The following TENM3 variants were observed in gnomAD, a reference collection of about 807,000 sequenced individuals.
TENM3 encodes the protein teneurin-3.
TENM3 carries 63 observed loss-of-function variants against 255.1 expected under a neutral mutation model. That is an observed-to-expected ratio of 0.25 (90% CI 0.20 to 0.30). The LOEUF is 0.30. TENM3 is among the 10% of genes least tolerant of loss of function. The pLI is 1.00. For missense variants in TENM3, 2,929 were observed against 3,461.1 expected (o/e 0.85, Z 3.86); for synonymous variants, 1,306 against 1,322.3 (o/e 0.99, Z 0.27).
At chr4:182,647,463 A>G (rs1752854059) in intron 5 of TENM3, among the ~76,000 whole-genome samples, 2 of 152,226 alleles carry the variant, frequency 1.3e-5, no homozygotes, top group African/African-American at 2.4e-5. Context: ...ATGCAAGTGG[A>G]ATTATACGGT....
At chr4:182,077,865 C>A in the TENM3 span, among the ~76,000 whole-genome samples, 14,119 of 152,130 alleles carry the variant, frequency 0.093, 1,225 homozygotes, top group African/African-American at 0.22. Flanking sequence ...CTTGCAGTGG[C>A]CCGTCCCACT....
intron 6 of TENM3, among the ~76,000 whole-genome samples, chr4:182,655,998 T>C (rs1478155027): frequency 6.6e-6 from 1 of 152,224 alleles, no homozygotes; most frequent in Non-Finnish European, 1.5e-5. Context: ...AATATTGTGC[T>C]CTGTAATTTC....
At chr4:182,330,938 A>C (rs1763709332) in intron 2 of TENM3, among the ~76,000 whole-genome samples, 1 of 152,238 alleles carries the variant, frequency 6.6e-6, no homozygotes, top group African/African-American at 2.4e-5. Flanking sequence ...TCTCATCTGA[A>C]GAGGGAGAGT....
At chr4:182,577,701 T>C (rs1295657116) in intron 3 of TENM3, among the ~76,000 whole-genome samples, 2 of 152,162 alleles carry the variant, frequency 1.3e-5, no homozygotes, top group African/African-American at 4.8e-5. Context: ...AAAATAAATT[T>C]GGGGAATCTA....
intron 1 of TENM3, among the ~76,000 whole-genome samples, chr4:182,215,081 C>G (rs1055420869): frequency 5.3e-5 from 8 of 152,148 alleles, no homozygotes; most frequent in Non-Finnish European, 1.5e-5. Flanking sequence ...AAGAACACAT[C>G]AGAAACTTTT....
At chr4:182,255,576 G>A (rs1173245399) in intron 1 of TENM3, among the ~76,000 whole-genome samples, 1 of 152,226 alleles carries the variant, frequency 6.6e-6, no homozygotes, top group Admixed American at 6.5e-5. Context: ...ATGGCCAGCA[G>A]TCCAGCTAGA....
chr4:182,674,250 T>C (rs574547100), intron 7 of TENM3, among the ~76,000 whole-genome samples: 3 of 152,290 alleles, frequency 2.0e-5, no homozygotes, highest in African/African-American at 4.8e-5. Flanking sequence ...GAAATATTTT[T>C]TCTATAACCT....
chr4:182,433,623 T>C (rs184189976), intron 3 of TENM3, among the ~76,000 whole-genome samples: 50 of 152,274 alleles, frequency 3.3e-4, no homozygotes, highest in Middle Eastern at 6.8e-3. Flanking sequence ...TCGAGTGGTC[T>C]CCTGAAATAA....
At chr4:182,012,777 A>T in the TENM3 span, 1 of 152,188 alleles carries the variant, frequency 6.6e-6, no homozygotes, top group Non-Finnish European at 1.5e-5. Context: ...AGGATCATGA[A>T]ATTTGGAGGA....
At chr4:182,404,097 T>A (rs1239951658) in intron 3 of TENM3, among the ~76,000 whole-genome samples, 1 of 152,236 alleles carries the variant, frequency 6.6e-6, no homozygotes, top group Non-Finnish European at 1.5e-5. Context: ...CTAATTCCTT[T>A]TTTCAATCAC....
chr4:182,379,860 A>G (rs1218624742), intron 3 of TENM3, among the ~76,000 whole-genome samples: 1 of 152,182 alleles, frequency 6.6e-6, no homozygotes, highest in African/African-American at 2.4e-5. Context: ...GAGAGAATCT[A>G]CTTCACAGGG....
At chr4:181,822,170 C>A in the TENM3 span, among the ~76,000 whole-genome samples, 2 of 152,158 alleles carry the variant, frequency 1.3e-5, no homozygotes, top group South Asian at 2.1e-4. Context: ...CACCCCCCCA[C>A]TTCTGGCTGC....
At chr4:181,953,700 AAG>A in the TENM3 span, among the ~76,000 whole-genome samples, 6 of 152,126 alleles carry the variant, frequency 3.9e-5, no homozygotes, top group Admixed American at 2.0e-4. Flanking sequence ...AAAAGAAAGA[AAG>A]AAAATAACAT....
chr4:181,629,397 G>A, the TENM3 span, among the ~76,000 whole-genome samples: 48 of 152,256 alleles, frequency 3.2e-4, no homozygotes, highest in Admixed American at 1.5e-3. Flanking sequence ...GTGAGAGAGC[G>A]CATCCCTGTC....
the TENM3 span, among the ~76,000 whole-genome samples, chr4:181,608,722 C>G: frequency 6.6e-6 from 1 of 152,126 alleles, no homozygotes; most frequent in Admixed American, 6.6e-5. Context: ...TTATCAAGTG[C>G]GTATGAAGCT....
the TENM3 span, among the ~76,000 whole-genome samples, chr4:182,013,417 T>G: frequency 3.9e-5 from 6 of 152,366 alleles, no homozygotes; most frequent in Non-Finnish European, 8.8e-5. Context: ...ACATTGCAAC[T>G]GCCATCAGAG....
Position 182,800,411 on chromosome 4 carries a change from C to T in TENM3, c.*60C>T. 2.0e-6 allele frequency: 3 copies of T among 1,480,980 alleles called. No individual in the cohort carries two copies. Among genetic ancestry groups the T allele is most frequent in the Non-Finnish European group, 2.7e-6 (3 of 1,116,880 alleles). The allele number at this position is 1,480,980 out of a possible 1,614,324, so 91.7% of individuals were successfully genotyped here. A position where few individuals can be genotyped will look rare whatever the true frequency, so the allele number is the denominator to read the frequency against. ...TGCCCACATTGTCCTGTGGCACAACCCGAGTGGGACTCTCCAACGCCCAAG... is the reference window on the plus strand; with the variant it reads ...TGCCCACATTGTCCTGTGGCACAACTCGAGTGGGACTCTCCAACGCCCAAG... On this transcript the variant is annotated 3_prime_UTR_variant, in exon 28 of 28. Transcript: ENST00000511685.
chr4:181,854,581 G>T, the TENM3 span, among the ~76,000 whole-genome samples: 2 of 152,018 alleles, frequency 1.3e-5, no homozygotes, highest in African/African-American at 4.8e-5. Flanking sequence ...TGCCATAATA[G>T]ACGTTTATGT....
the TENM3 span, among the ~76,000 whole-genome samples, chr4:181,473,355 A>G: frequency 6.6e-6 from 1 of 152,118 alleles, no homozygotes; most frequent in African/African-American, 2.4e-5. Context: ...CAGGAGGCCA[A>G]GGTGGGAGGA....
Sources: gnomAD v4.1 joint callset for allele counts (sites outside exome capture counted in the v4.1 genomes callset) on GRCh38, gnomAD v4.1.1 for gene constraint, MANE v1.5 for transcripts, NCBI Gene and HGNC (gene_info 2026-07-23, HGNC 2026-07-21) for gene names.